Variants in GLIS1 observed in about 807,000 individuals in gnomAD.
GLIS1 encodes GLIS family zinc finger 1, also known as zinc finger protein GLIS1.
Under a neutral mutation model 63.8 loss-of-function variants are expected in GLIS1, and 24 were observed. The observed-to-expected ratio is 0.38, with a 90% CI of 0.27 to 0.53. The LOEUF (loss-of-function observed/expected upper bound fraction) is 0.53. Among genes scored for constraint, GLIS1 ranks in the 20% least tolerant of loss-of-function variants. The pLI is 0.85. For missense variants in GLIS1, 1,036 were observed against 1,074.1 expected, an observed-to-expected ratio of 0.96 and a Z score of 0.50; for synonymous variants, 450 against 482.5, an observed-to-expected ratio of 0.93 and a Z score of 0.88.
In GLIS1 at chr1:53,526,933, CCTCT is replaced by C. The variant is rs1317590203; in HGVS notation, c.1483-2050_1483-2047del. Reference sequence around the variant, plus strand: ...GTGGGCTGCAGCGCCGGGCGGCCTCCCTCTGTCTGTAATGAGGACGCTCCGGGTG... The same window carrying C: ...GTGGGCTGCAGCGCCGGGCGGCCTCCGTCTGTAATGAGGACGCTCCGGGTG... On this transcript the variant is annotated intron_variant, in intron 5 of 10. Coordinates refer to ENST00000628545, the MANE Select transcript of GLIS1 (RefSeq NM_001367484.1). The surrounding 1 kb of genome is among the most constrained non-coding windows in gnomAD (Gnocchi z 4.4). Among the ~76,000 whole-genome samples, 3 of 152,254 alleles carry C rather than the reference CCTCT, an allele frequency of 2.0e-5. No individual in the cohort carries two copies. Among genetic ancestry groups the C allele is most frequent in the African/African-American group, 7.2e-5 (3 of 41,478 alleles).
chr1:53,729,198 G>C (rs1012575145), intron 2 of GLIS1, among the ~76,000 whole-genome samples: 2 of 152,186 alleles, frequency 1.3e-5, no homozygotes, highest in African/African-American at 2.4e-5. Context: ...GGTTTTAAGC[G>C]AGAAGTTCTA....
chr1:53,623,816 G>C (rs1645569121), intron 2 of GLIS1, among the ~76,000 whole-genome samples: 1 of 152,126 alleles, frequency 6.6e-6, no homozygotes, highest in Admixed American at 6.5e-5. Context: ...AAAATGCTTA[G>C]AAATAAAGTT....
intron 4 of GLIS1, among the ~76,000 whole-genome samples, chr1:53,550,150 C>T (rs80250623): frequency 6.6e-6 from 1 of 152,358 alleles, no homozygotes; most frequent in East Asian, 1.9e-4. Context: ...AGTTTCCTTA[C>T]AGGCATGCAT....
intron 4 of GLIS1, among the ~76,000 whole-genome samples, chr1:53,530,263 C>T (rs900019507): frequency 5.3e-5 from 8 of 152,248 alleles, no homozygotes; most frequent in Non-Finnish European, 1.0e-4. Context: ...GAGGCACTTG[C>T]CCTGACCACA....
At chr1:53,635,500 G>A (rs571687588) in intron 2 of GLIS1, among the ~76,000 whole-genome samples, 2 of 151,908 alleles carry the variant, frequency 1.3e-5, no homozygotes, top group Middle Eastern at 6.8e-3. Context: ...AAATGTGTTT[G>A]TTAGAAGTGT....
intron 2 of GLIS1, among the ~76,000 whole-genome samples, chr1:53,728,147 T>C (rs1646823857): frequency 6.6e-6 from 1 of 152,108 alleles, no homozygotes. Context: ...AATAGGAAAT[T>C]GCCATAGAGT....
chr1:53,524,788 C>A lies in GLIS1; in HGVS notation c.1582G>T (p.Val528Leu), dbSNP rs763462706. ...GAGGGCTGGCTTACCTTCTTACGCA[C>A]CTGCTGCTCTTTGGCTGAATGGGCC... ...VKAHSAKEQQVRKKLHAGPDT... is the reference protein window; with the variant it reads ...VKAHSAKEQQLRKKLHAGPDT... Residue 528 changes from valine (V) to leucine (L), a missense_variant, in exon 6 of 11, where the codon GTG becomes TTG. Val to Leu is a conservative substitution (Grantham distance 32). Transcript: ENST00000628545. 43 of 1,613,038 alleles carry A rather than the reference C, an allele frequency of 2.7e-5. No homozygotes were observed. The highest frequency in any genetic ancestry group is 3.6e-5 in the Non-Finnish European group (42 of 1,179,636).
intron 2 of GLIS1, among the ~76,000 whole-genome samples, chr1:53,665,409 G>T (rs1480991210): frequency 2.0e-5 from 3 of 152,154 alleles, no homozygotes; most frequent in Admixed American, 2.0e-4. Flanking sequence ...GTAAAGTACG[G>T]AGGTGAGGTC....
At chr1:53,649,846 C>T (rs1569985620) in intron 2 of GLIS1, among the ~76,000 whole-genome samples, 1 of 152,134 alleles carries the variant, frequency 6.6e-6, no homozygotes, top group East Asian at 1.9e-4. Flanking sequence ...ATGTGTTAAT[C>T]GACTGTTTAT....
chr1:53,709,215 G>A (rs1646612896), intron 2 of GLIS1, among the ~76,000 whole-genome samples: 1 of 151,874 alleles, frequency 6.6e-6, no homozygotes, highest in Non-Finnish European at 1.5e-5. Context: ...CAAGTCACTC[G>A]CTTGCCCCAG....
rs755556848 is a variant in GLIS1, at chr1:53,506,740, G to A, written c.2267C>T (p.Ala756Val). The A allele has an allele frequency of 1.6e-5, 25 of 1,612,398 alleles. No individual in the cohort carries two copies. The highest frequency in any genetic ancestry group is 6.7e-5 in the Admixed American group (4 of 60,006). The change falls in exon 11 of 11, where the codon GCG becomes GTG. Residue 756 changes from alanine to valine, a missense_variant. Transcript: ENST00000628545. ...ATCTTCAGATGGCTGCTGTGGCAGC[G>A]CTGTGGGGCATGAGGCCTCAGCCAG... ...EALAEASCPT[A>V]LPQQPSEDVV...
At chr1:53,704,516 C>T (rs1360681965) in intron 2 of GLIS1, among the ~76,000 whole-genome samples, 21 of 152,036 alleles carry the variant, frequency 1.4e-4, no homozygotes, top group Admixed American at 1.3e-3. Flanking sequence ...CCACCCTGGG[C>T]CTGGGTGAGC....
At chr1:53,617,460 A>T (rs1460463484) in intron 2 of GLIS1, among the ~76,000 whole-genome samples, 3 of 152,268 alleles carry the variant, frequency 2.0e-5, no homozygotes, top group Non-Finnish European at 4.4e-5. Context: ...TTGAGGAAAG[A>T]CTATGCTGTG....
intron 2 of GLIS1, among the ~76,000 whole-genome samples, chr1:53,686,369 C>T (rs547057767): frequency 5.9e-5 from 9 of 152,356 alleles, no homozygotes; most frequent in Admixed American, 3.9e-4. Context: ...CCACCAGCCC[C>T]CTAGCCTCTC....
chr1:53,513,077 T>G (rs984470019), intron 8 of GLIS1, among the ~76,000 whole-genome samples: 6 of 152,166 alleles, frequency 3.9e-5, no homozygotes, highest in African/African-American at 1.4e-4. Context: ...TCAGGCTGCC[T>G]CTTCATGGTT....
intron 4 of GLIS1, among the ~76,000 whole-genome samples, chr1:53,534,486 G>A (rs909676702): frequency 2.0e-5 from 3 of 152,020 alleles, no homozygotes; most frequent in African/African-American, 7.3e-5. Context: ...CAAGGGCTGA[G>A]TGCCTCTATG....
At position 53,694,324 on chromosome 1, in the gene GLIS1, C is replaced by T. The variant is rs192538129; in HGVS notation, c.259+43482G>A. Reference sequence around the variant, plus strand: ...CAGCACACCGTAGGTGCTCAGAACGCGGTTGTTCTCTTCCCCTCCCCATAC... The same window carrying T: ...CAGCACACCGTAGGTGCTCAGAACGTGGTTGTTCTCTTCCCCTCCCCATAC... On this transcript the variant is annotated intron_variant, in intron 2 of 10. Coordinates refer to ENST00000628545, the MANE Select transcript of GLIS1 (RefSeq NM_001367484.1). 5.5e-4 allele frequency among the ~76,000 whole-genome samples: 84 copies of T among 152,304 alleles called. 2 individuals carry two copies. The East Asian group carries it at 0.014, about 25-fold the overall frequency.
chr1:53,549,022 G>C (rs1179969841), intron 4 of GLIS1, among the ~76,000 whole-genome samples: 1 of 152,200 alleles, frequency 6.6e-6, no homozygotes, highest in African/African-American at 2.4e-5. Flanking sequence ...CATCACGTAA[G>C]TTGAATCATG....
At chr1:53,629,643 T>C (rs1265111770) in intron 2 of GLIS1, among the ~76,000 whole-genome samples, 7 of 152,260 alleles carry the variant, frequency 4.6e-5, no homozygotes, top group Non-Finnish European at 2.9e-5. Context: ...CCTCTGCCCA[T>C]GGGCCTGGAC....
Sources: gnomAD v4.1 joint callset for allele counts (sites outside exome capture counted in the v4.1 genomes callset) on GRCh38, gnomAD v4.1.1 for gene constraint, Gnocchi (gnomAD v3.1) non-coding constraint, MANE v1.5 for transcripts, NCBI Gene and HGNC (gene_info 2026-07-23, HGNC 2026-07-21) for gene names.